NDUFV2: variants seen among roughly 807,000 people sequenced by gnomAD.
NDUFV2 encodes NADH:ubiquinone oxidoreductase core subunit V2.
A neutral mutation model predicts 31.6 loss-of-function variants in NDUFV2; 18 were observed. The ratio of observed to expected loss-of-function variants is 0.57; its 90% confidence interval spans 0.39 to 0.84. The LOEUF is 0.84. Ranked by LOEUF, NDUFV2 falls within the 40% of genes least tolerant of loss-of-function variation. The pLI is 0.00. For synonymous variants in NDUFV2, 83 were observed against 99.8 expected, an observed-to-expected ratio of 0.83 and a Z score of 1.01; for missense variants, 314 against 303.6, an observed-to-expected ratio of 1.03 and a Z score of -0.26.
At chr18:9,118,211 T>C (rs1285768438) in intron 2 of NDUFV2, among the ~76,000 whole-genome samples, 1 of 152,222 alleles carries the variant, frequency 6.6e-6, no homozygotes, top group Non-Finnish European at 1.5e-5. Context: ...ACTGAGAGTT[T>C]GGAGATTGTA....
intron 1 of NDUFV2, among the ~76,000 whole-genome samples, chr18:9,113,027 C>T (rs899449296): frequency 1.3e-5 from 2 of 151,986 alleles, no homozygotes; most frequent in Admixed American, 6.5e-5. Context: ...TCTAATATTC[C>T]ATAAATACTC....
At chr18:9,103,513 G>A (rs1568184548) in intron 1 of NDUFV2, 3 of 179,862 alleles carry the variant, frequency 1.7e-5, no homozygotes, top group African/African-American at 2.3e-5. Flanking sequence ...CAGAAATGTC[G>A]ATTATAACAA....
In NDUFV2 at chr18:9,134,300, T is replaced by C. The variant is rs755574772; in HGVS notation, c.*21T>C. On this transcript the variant is annotated 3_prime_UTR_variant, in exon 8 of 8. Coordinates refer to ENST00000318388, the MANE Select transcript of NDUFV2 (RefSeq NM_021074.5). The stretch of plus-strand genomic sequence containing the variant: ...TTTAATTTATATTGAACTGTAAATA[T>C]GTCACTAGAGAAATAAAATATGGAC... 3.3e-6 allele frequency: 5 copies of C among 1,523,378 alleles called. No homozygotes were observed. Among genetic ancestry groups the C allele is most frequent in the East Asian group, 4.5e-5 (2 of 44,424 alleles). 94.4% of individuals were successfully genotyped at this position (1,523,378 alleles called of 1,614,324 possible).
intron 1 of NDUFV2, among the ~76,000 whole-genome samples, chr18:9,105,826 C>A (rs147575731): frequency 1.4e-3 from 208 of 152,274 alleles, no homozygotes; most frequent in Middle Eastern, 3.4e-3. Flanking sequence ...TTTCATTCAT[C>A]GAGGATATTT....
chr18:9,131,097 G>A (rs1345841017), intron 7 of NDUFV2, among the ~76,000 whole-genome samples: 1 of 152,154 alleles, frequency 6.6e-6, no homozygotes, highest in Non-Finnish European at 1.5e-5. Context: ...CATGTTGTCT[G>A]TATTATATAC....
intron 1 of NDUFV2, among the ~76,000 whole-genome samples, chr18:9,114,525 A>T (rs1230097069): frequency 1.3e-5 from 2 of 149,532 alleles, no homozygotes; most frequent in Non-Finnish European, 3.0e-5. Context: ...TACAGGTTAT[A>T]TAGTACTTTC....
intron 1 of NDUFV2, among the ~76,000 whole-genome samples, chr18:9,113,018 C>CTA (rs2077879475): frequency 6.6e-6 from 1 of 152,090 alleles, no homozygotes; most frequent in Non-Finnish European, 1.5e-5. Context: ...TCACTGTTAT[C>CTA]TAATATTCCA....
chr18:9,111,267 G>C (rs1294824784), intron 1 of NDUFV2, among the ~76,000 whole-genome samples: 1 of 152,032 alleles, frequency 6.6e-6, no homozygotes, highest in African/African-American at 2.4e-5. Context: ...AAATTTCTGG[G>C]AATAATACCC....
chr18:9,119,166 G>T (rs2077916278), intron 2 of NDUFV2, among the ~76,000 whole-genome samples, 160 bp from the exon 3 acceptor site: 2 of 152,028 alleles, frequency 1.3e-5, no homozygotes, highest in Admixed American at 6.5e-5. Flanking sequence ...CTTATCAAAT[G>T]TGTGTTTAGA....
chr18:9,108,559 T>C (rs2077853164), intron 1 of NDUFV2, among the ~76,000 whole-genome samples: 1 of 152,068 alleles, frequency 6.6e-6, no homozygotes, highest in African/African-American at 2.4e-5. Context: ...ATTTGTAGTT[T>C]ATAGCATGAG....
intron 5 of NDUFV2, among the ~76,000 whole-genome samples, chr18:9,123,329 C>T (rs2077956397): frequency 2.0e-5 from 3 of 152,070 alleles, no homozygotes; most frequent in Non-Finnish European, 2.9e-5. Flanking sequence ...CCACCCCCAA[C>T]ACCATCAAGG....
intron 5 of NDUFV2, 101 bp from the exon 6 acceptor site, chr18:9,124,772 TA>T: frequency 7.9e-7 from 1 of 1,260,200 alleles, no homozygotes; most frequent in South Asian, 1.4e-5. Flanking sequence ...TTAATAGTCT[TA>T]AACTTTTAAT....
Position 9,124,954 on chromosome 18 carries a change from C to T in NDUFV2, c.550C>T (p.Pro184Ser), listed in dbSNP as rs764731983. The change falls in exon 6 of 8, where the codon CCA becomes TCA. Residue 184 changes from proline to serine, a missense_variant. Coordinates refer to ENST00000318388, the MANE Select transcript of NDUFV2 (RefSeq NM_021074.5). The part of the protein sequence containing the change: ...VECLGACVNA[P>S]MVQINDNYYE... ...ATGTTTAGGGGCCTGTGTGAACGCACCAATGGTTCAAATAAATGACAATTA... is the reference window on the plus strand; with the variant it reads ...ATGTTTAGGGGCCTGTGTGAACGCATCAATGGTTCAAATAAATGACAATTA... 2 of 1,613,454 alleles carry T rather than the reference C, an allele frequency of 1.2e-6. No homozygotes were observed. Among genetic ancestry groups the T allele is most frequent in the Non-Finnish European group, 8.5e-7 (1 of 1,179,680 alleles).
At chr18:9,125,848 C>T (rs12457429) in intron 6 of NDUFV2, among the ~76,000 whole-genome samples, 16,538 of 152,102 alleles carry the variant, frequency 0.11, 1,040 homozygotes, top group African/African-American at 0.16. Flanking sequence ...GGCCTCTGTT[C>T]CTCCGGTGTG....
At chr18:9,113,935 G>A (rs1453156682) in intron 1 of NDUFV2, among the ~76,000 whole-genome samples, 1 of 152,154 alleles carries the variant, frequency 6.6e-6, no homozygotes, top group African/African-American at 2.4e-5. Context: ...TTTTGTCTGT[G>A]GCTTGTCCTG....
intron 1 of NDUFV2, among the ~76,000 whole-genome samples, chr18:9,114,947 A>G (rs1286441016): frequency 6.6e-6 from 1 of 152,258 alleles, no homozygotes; most frequent in African/African-American, 2.4e-5. Context: ...GTAAAAGTAC[A>G]TGACAGATCC....
intron 1 of NDUFV2, among the ~76,000 whole-genome samples, chr18:9,111,762 A>G (rs1193815060): frequency 6.6e-6 from 1 of 151,860 alleles, no homozygotes; most frequent in South Asian, 2.1e-4. Context: ...CAAGAACCCT[A>G]TGAAGTACAT....
At chr18:9,124,519 G>A (rs2077970662) in intron 5 of NDUFV2, among the ~76,000 whole-genome samples, 2 of 150,464 alleles carry the variant, frequency 1.3e-5, no homozygotes, top group Admixed American at 1.3e-4. Context: ...CGCAATCTCG[G>A]CTCACTGCAA....
chr18:9,107,777 G>C (rs868804228), intron 1 of NDUFV2, among the ~76,000 whole-genome samples: 25 of 152,140 alleles, frequency 1.6e-4, no homozygotes, highest in African/African-American at 6.0e-4. Context: ...AAGCAGACTA[G>C]GGAAATGATT....
Sources: allele counts gnomAD v4.1 joint callset (sites outside exome capture counted in the v4.1 genomes callset), GRCh38; gene constraint gnomAD v4.1.1; transcripts MANE v1.5; gene names NCBI Gene and HGNC (gene_info 2026-07-23, HGNC 2026-07-21).